The following COL27A1 variants were observed in gnomAD, a reference collection of about 807,000 sequenced individuals.
The protein encoded by COL27A1 is collagen alpha-1(XXVII) chain.
COL27A1 carries 106 observed loss-of-function variants against 251.3 expected under a neutral mutation model. The observed-to-expected ratio is 0.42, with a 90% CI of 0.36 to 0.50. The LOEUF is 0.50. Ranked by LOEUF, COL27A1 falls within the 20% of genes least tolerant of loss-of-function variation. The pLI is 0.00. For missense variants in COL27A1, 2,325 were observed against 2,522.8 expected, an observed-to-expected ratio of 0.92 and a Z score of 1.68; for synonymous variants, 1,000 against 986.3, an observed-to-expected ratio of 1.01 and a Z score of -0.26.
intron 41 of COL27A1, among the ~76,000 whole-genome samples, chr9:114,285,266 C>A (rs946587785): frequency 1.6e-4 from 25 of 152,144 alleles, no homozygotes; most frequent in African/African-American, 5.1e-4. Context: ...CATGTTCATT[C>A]CCCACGCCTT....
At chr9:114,187,878 A>G (rs751123919) in intron 5 of COL27A1, among the ~76,000 whole-genome samples, 4 of 152,264 alleles carry the variant, frequency 2.6e-5, no homozygotes, top group Non-Finnish European at 5.9e-5. Context: ...TGTAAATGTT[A>G]GAATATCTCC....
rs755855884 is a variant in COL27A1 at position 114,275,663 on chromosome 9, G to A, written c.3612G>A (p.Gly1204=). Residue 1204 remains glycine (G), a splice_region_variant and synonymous_variant, in exon 37 of 61, where the codon GGG becomes GGA. Transcript: ENST00000356083. ...SGPMGPDGLK[G]DRGDPGPDGE... is the part of the protein sequence containing the mutation. ...CCTCTTCATGCCCTGCCACCCAGGG[G>A]GACAGGGGAGACCCAGGGCCTGATG... The A allele has an allele frequency of 6.5e-7, 1 of 1,545,852 alleles. No homozygotes were observed. Among genetic ancestry groups the A allele is most frequent in the African/African-American group, 1.4e-5 (1 of 72,950 alleles).
At chr9:114,278,400 C>T (rs962783736) in intron 37 of COL27A1, among the ~76,000 whole-genome samples, 11 of 190 alleles carry the variant, frequency 0.058, no homozygotes, top group South Asian at 0.17. Flanking sequence ...GTGCTGGTGG[C>T]GATGGTGGTG....
intron 57 of COL27A1, among the ~76,000 whole-genome samples, chr9:114,305,757 G>A (rs1450685502): frequency 5.3e-5 from 8 of 152,176 alleles, no homozygotes; most frequent in African/African-American, 1.4e-4. Context: ...CTTCCATCCC[G>A]TTGGCTAGAG....
In COL27A1 at chr9:114,310,522, C is replaced by T. The variant is rs533694004; in HGVS notation, c.5437-27C>T. The T allele has an allele frequency of 6.0e-4, 965 of 1,613,502 alleles. 10 individuals carry two copies. The South Asian group carries it at 6.8e-3, about 11-fold the overall frequency. On this transcript the variant is annotated intron_variant, in intron 60 of 60. Transcript: ENST00000356083. ...TATGATAAGAATCACGATGGATGTA[C>T]GTGTGCACTTTTCCTTCTGCCTTCA...
Position 114,290,770 on chromosome 9 carries a change from T to C in COL27A1, c.4369-40T>C. ...GCCATCTGCTTCCTTGGCTGTATCGTGAAACACAAGAGACCCTCCTCTGCC... is the reference window on the plus strand; with the variant it reads ...GCCATCTGCTTCCTTGGCTGTATCGCGAAACACAAGAGACCCTCCTCTGCC... On this transcript the variant is annotated intron_variant, in intron 47 of 60. Transcript: ENST00000356083. The surrounding 1 kb of genome is among the most constrained non-coding windows in gnomAD (Gnocchi z 4.6). The C allele has an allele frequency of 6.8e-7, 1 of 1,462,226 alleles. No homozygotes were observed. The highest frequency in any genetic ancestry group is 9.2e-7 in the Non-Finnish European group (1 of 1,081,746). The allele number at this position is 1,462,226 out of a possible 1,614,324, so 90.6% of individuals were successfully genotyped here. A position where few individuals can be genotyped will look rare whatever the true frequency, so the allele number is the denominator to read the frequency against.
intron 40 of COL27A1, among the ~76,000 whole-genome samples, chr9:114,284,295 GGGA>G (rs1379336668): frequency 6.6e-6 from 1 of 152,244 alleles, no homozygotes; most frequent in African/African-American, 2.4e-5. Flanking sequence ...CAGCAGGGAA[GGGA>G]GGAGGAGGAG....
In COL27A1 at chr9:114,190,080, A is replaced by G. The variant is rs1277983433; in HGVS notation, c.2017-4324A>G. On this transcript the variant is annotated intron_variant, in intron 5 of 60. Coordinates refer to ENST00000356083, the MANE Select transcript of COL27A1 (RefSeq NM_032888.4). The stretch of plus-strand genomic sequence containing the variant: ...AGTGAGAGGCCTAGTGAAAATTCAG[A>G]GACAGTTCTGGGGCAGGAGCCAGAT... 5.9e-5 allele frequency among the ~76,000 whole-genome samples: 9 copies of G among 152,236 alleles called. No homozygotes were observed. The East Asian group carries it at 1.7e-3, about 29-fold the overall frequency.
chr9:114,306,803 C>A, intron 58 of COL27A1, 115 bp downstream of exon 58: 1 of 1,094,776 alleles, frequency 9.1e-7, no homozygotes, highest in Non-Finnish European at 1.3e-6. Context: ...AAGACAGATA[C>A]ACTGGCAGTC....
At chr9:114,263,111 G>A (rs1834470232) in intron 28 of COL27A1, among the ~76,000 whole-genome samples, 1 of 151,846 alleles carries the variant, frequency 6.6e-6, no homozygotes, top group Admixed American at 6.6e-5. Flanking sequence ...GCTAATTTTT[G>A]TATTTATAGT....
chr9:114,265,175 G>A (rs973386035), intron 31 of COL27A1, 65 bp downstream of exon 31: 201 of 1,007,596 alleles, frequency 2.0e-4, no homozygotes, highest in South Asian at 1.9e-3. Flanking sequence ...GGGCGGGTGC[G>A]GTGCTGATAA....
At chr9:114,241,648 C>A (rs1418189231) in intron 21 of COL27A1, among the ~76,000 whole-genome samples, 2 of 152,216 alleles carry the variant, frequency 1.3e-5, no homozygotes, top group East Asian at 3.8e-4. Flanking sequence ...GCCACTTGTT[C>A]ACATCTTCAT....
intron 4 of COL27A1, among the ~76,000 whole-genome samples, chr9:114,178,571 T>A (rs565845108): frequency 6.6e-6 from 1 of 152,276 alleles, no homozygotes; most frequent in South Asian, 2.1e-4. Context: ...CAGTTGTCCA[T>A]TGGGGATATC....
chr9:114,187,820 T>C (rs936330039), intron 5 of COL27A1, among the ~76,000 whole-genome samples: 5 of 152,250 alleles, frequency 3.3e-5, no homozygotes, highest in African/African-American at 9.6e-5. Flanking sequence ...AAAAATCAGT[T>C]CCACTTTAAA....
At chr9:114,163,716 C>T (rs892458485) in intron 2 of COL27A1, among the ~76,000 whole-genome samples, 3 of 152,242 alleles carry the variant, frequency 2.0e-5, no homozygotes. Context: ...AGGGATTGGG[C>T]CCCTGGGAGG....
intron 35 of COL27A1, among the ~76,000 whole-genome samples, chr9:114,269,614 C>CA (rs552967033): frequency 0.25 from 16,969 of 69,036 alleles, 3,176 homozygotes; most frequent in East Asian, 0.4. Context: ...GACTCCATCT[C>CA]AAAAAAAAAA....
rs938938065 is a variant in COL27A1, at chr9:114,294,252, A to G, written c.4584+2042A>G. On this transcript the variant is annotated intron_variant, in intron 49 of 60. Transcript: ENST00000356083. ...GACAGGGAGAGACTCTGTCTCAAAA[A>G]AAAAAAAAAAAAAAAAAGAAGGAAT... 2.7e-5 allele frequency among the ~76,000 whole-genome samples: 4 copies of G among 150,214 alleles called. No homozygotes were observed. In the East Asian group the frequency reaches 7.7e-4, roughly 29 times the overall value.
At chr9:114,156,709 A>C (rs1479756585) in intron 1 of COL27A1, among the ~76,000 whole-genome samples, 9 of 151,986 alleles carry the variant, frequency 5.9e-5, no homozygotes, top group Non-Finnish European at 1.3e-4. Context: ...ATCGGGAGAC[A>C]GGGCCGGAGA....
chr9:114,235,647 G>A lies in COL27A1; in HGVS notation c.2614G>A (p.Asp872Asn). 6.2e-7 allele frequency: 1 copy of A among 1,613,062 alleles called. No homozygotes were observed. Among genetic ancestry groups the A allele is most frequent in the Non-Finnish European group, 8.5e-7 (1 of 1,179,112 alleles). ...GVSGDPGFQGDKGSQGLPGFP... is the reference protein window; with the variant it reads ...GVSGDPGFQGNKGSQGLPGFP... ...GTCAGGAGATCCCGGATTCCAAGGA[G>A]ACAAGGTAATTGCATGAGATTTTCC... Residue 872 changes from aspartate (D) to asparagine (N), a missense_variant, in exon 17 of 61, where the codon GAC becomes AAC. This residue lies in a region of COL27A1 where 662 missense variants were observed against 795.3 expected (regional missense o/e 0.83). Coordinates refer to ENST00000356083, the MANE Select transcript of COL27A1 (RefSeq NM_032888.4).
Sources: allele counts gnomAD v4.1 joint callset (sites outside exome capture counted in the v4.1 genomes callset), GRCh38; gene constraint gnomAD v4.1.1; regional missense constraint gnomAD v4.1.1; non-coding constraint Gnocchi (gnomAD v3.1); transcripts MANE v1.5; gene names NCBI Gene and HGNC (gene_info 2026-07-23, HGNC 2026-07-21).